CNTNAP2: variants seen among roughly 807,000 people sequenced by gnomAD.
CNTNAP2 encodes the protein contactin-associated protein-like 2.
A neutral mutation model predicts 155.2 loss-of-function variants in CNTNAP2; 98 were observed. The ratio of observed to expected loss-of-function variants is 0.63; its 90% CI spans 0.54 to 0.75. The LOEUF is 0.75. Ranked by LOEUF, CNTNAP2 falls within the 30% of genes least tolerant of loss-of-function variation. The pLI is 0.00. For synonymous variants in CNTNAP2, 651 were observed against 631.2 expected (o/e 1.03, Z -0.47); for missense variants, 1,727 against 1,688.1 (o/e 1.02, Z -0.40).
intron 1 of CNTNAP2, among the ~76,000 whole-genome samples, chr7:146,502,981 G>C (rs535278759): frequency 3.9e-5 from 6 of 152,194 alleles, no homozygotes; most frequent in Admixed American, 2.6e-4. Flanking sequence ...TCATATACTT[G>C]TTAGCTATTT....
intron 14 of CNTNAP2, among the ~76,000 whole-genome samples, chr7:147,938,337 A>G (rs1563141418): frequency 6.6e-6 from 1 of 152,306 alleles, no homozygotes; most frequent in Non-Finnish European, 1.5e-5. Flanking sequence ...AGCACACAAT[A>G]CTAGGACCAA....
At chr7:146,239,818 G>T (rs1363004803) in intron 1 of CNTNAP2, among the ~76,000 whole-genome samples, 1 of 152,074 alleles carries the variant, frequency 6.6e-6, no homozygotes, top group East Asian at 1.9e-4. Context: ...ACTGAACCAG[G>T]TTATCTTCCA....
chr7:147,849,326 G>A (rs1185189527), intron 13 of CNTNAP2, among the ~76,000 whole-genome samples: 1 of 152,128 alleles, frequency 6.6e-6, no homozygotes, highest in Non-Finnish European at 1.5e-5. Context: ...TCATTTCTCA[G>A]CATCATTGTT....
intron 15 of CNTNAP2, among the ~76,000 whole-genome samples, chr7:148,036,508 C>T (rs908686315): frequency 1.3e-5 from 2 of 152,024 alleles, no homozygotes; most frequent in Admixed American, 1.3e-4. Context: ...TGATGCTTTC[C>T]ATGTGATGCT....
chr7:146,990,535 A>T (rs1469514301), intron 3 of CNTNAP2, among the ~76,000 whole-genome samples: 1 of 152,072 alleles, frequency 6.6e-6, no homozygotes, highest in Non-Finnish European at 1.5e-5. Context: ...TTATGAGTAT[A>T]TACTATTCTG....
At chr7:146,529,840 C>T (rs1328792471) in intron 1 of CNTNAP2, among the ~76,000 whole-genome samples, 1 of 152,070 alleles carries the variant, frequency 6.6e-6, no homozygotes, top group Non-Finnish European at 1.5e-5. Flanking sequence ...TAGCACGTGC[C>T]TGTAATCCCA....
chr7:147,421,235 G>A, intron 10 of CNTNAP2, among the ~76,000 whole-genome samples: 1 of 152,116 alleles, frequency 6.6e-6, no homozygotes, highest in Middle Eastern at 3.2e-3. Flanking sequence ...CATTTCCACT[G>A]AGAGGATTTT....
intron 11 of CNTNAP2, among the ~76,000 whole-genome samples, chr7:147,499,803 T>A (rs1464211679): frequency 1.3e-5 from 2 of 152,178 alleles, no homozygotes; most frequent in Non-Finnish European, 2.9e-5. Context: ...TAAGATCATG[T>A]TACTTGCAAA....
rs1333628761 is a variant in CNTNAP2 at position 147,300,129 on chromosome 7, T to C, written c.1349-12T>C. 1 of 1,613,890 alleles carries C rather than the reference T, an allele frequency of 6.2e-7. No individual in the cohort carries two copies. The highest frequency in any genetic ancestry group is 8.5e-7 in the Non-Finnish European group (1 of 1,179,840). ...TTTAAGATAAAAATGACTTTTATCT[T>C]GTACTTACCAGGTTCTGGGTTGAAT... On this transcript the variant is annotated splice_polypyrimidine_tract_variant and intron_variant, in intron 8 of 23. Coordinates refer to ENST00000361727, the MANE Select transcript of CNTNAP2 (RefSeq NM_014141.6).
At chr7:147,045,353 A>G (rs1244944520) in intron 4 of CNTNAP2, among the ~76,000 whole-genome samples, 2 of 152,180 alleles carry the variant, frequency 1.3e-5, no homozygotes, top group Non-Finnish European at 2.9e-5. Context: ...TGAAGCTTTC[A>G]CCTCTGTACA....
At chr7:147,035,811 A>T (rs1287027231) in intron 3 of CNTNAP2, among the ~76,000 whole-genome samples, 1 of 152,118 alleles carries the variant, frequency 6.6e-6, no homozygotes, top group African/African-American at 2.4e-5. Flanking sequence ...AAATATACTT[A>T]TTCTCATCAT....
At chr7:147,242,305 C>T (rs774970751) in intron 8 of CNTNAP2, among the ~76,000 whole-genome samples, 1 of 152,186 alleles carries the variant, frequency 6.6e-6, no homozygotes, top group Non-Finnish European at 1.5e-5. Flanking sequence ...CTTTGTTCTA[C>T]TGAAAAACAT....
At position 146,611,957 on chromosome 7, in the gene CNTNAP2, T is replaced by C. The variant is rs144867603; in HGVS notation, c.98-162314T>C. 5.6e-3 allele frequency among the ~76,000 whole-genome samples: 858 copies of C among 152,286 alleles called. 8 individuals are homozygous for C. The highest frequency in any genetic ancestry group is 0.027 in the Middle Eastern group (8 of 292). ...GTTCAAACTTCCAGTTCTCTGATGA[T>C]ATATACATAACATATAAAAGGTTAT... On this transcript the variant is annotated intron_variant, in intron 1 of 23. Coordinates refer to ENST00000361727, the MANE Select transcript of CNTNAP2 (RefSeq NM_014141.6).
chr7:148,276,316 T>C (rs1425444022), intron 21 of CNTNAP2, among the ~76,000 whole-genome samples: 2 of 152,158 alleles, frequency 1.3e-5, no homozygotes, highest in Non-Finnish European at 2.9e-5. Context: ...GGGAAAGGGA[T>C]GGAGCATTAT....
intron 16 of CNTNAP2, among the ~76,000 whole-genome samples, chr7:148,141,410 T>A (rs1243828804): frequency 6.6e-6 from 1 of 152,256 alleles, no homozygotes; most frequent in Non-Finnish European, 1.5e-5. Flanking sequence ...AGTTACTTTG[T>A]GCTCTTGGGA....
chr7:147,798,687 C>A (rs1434406496), intron 13 of CNTNAP2, among the ~76,000 whole-genome samples: 1 of 152,202 alleles, frequency 6.6e-6, no homozygotes, highest in African/African-American at 2.4e-5. Context: ...TTGGGTCACA[C>A]ACTCATTCCT....
intron 8 of CNTNAP2, among the ~76,000 whole-genome samples, chr7:147,267,670 ATAGAATTG>A (rs147845102): frequency 0.14 from 21,783 of 152,148 alleles, 1,631 homozygotes; most frequent in Middle Eastern, 0.21. Flanking sequence ...CACTGTTAGC[ATAGAATTG>A]GGATTCACTT....
intron 3 of CNTNAP2, among the ~76,000 whole-genome samples, chr7:146,871,679 C>T (rs1435037927): frequency 6.6e-6 from 1 of 151,940 alleles, no homozygotes; most frequent in African/African-American, 2.4e-5. Flanking sequence ...CATCCATCTT[C>T]TTATAATATT....
At position 147,848,140 on chromosome 7, in the gene CNTNAP2, C is replaced by A. The variant is rs879867370; in HGVS notation, c.2099-55425C>A. ...TGGGCTCCACCCAGTTGGAGCTTCC[C>A]GGCTGCTTTGTTTACCTAAGCAAGC... On this transcript the variant is annotated intron_variant, in intron 13 of 23. Coordinates refer to ENST00000361727, the MANE Select transcript of CNTNAP2 (RefSeq NM_014141.6). Among the ~76,000 whole-genome samples, 57 of 135,486 alleles carry A rather than the reference C, an allele frequency of 4.2e-4. 1 individual carries two copies. The highest frequency in any genetic ancestry group is 2.8e-3 in the Admixed American group (35 of 12,494). 88.9% of individuals were successfully genotyped at this position (135,486 alleles called of 152,430 possible).
Sources: gnomAD v4.1 joint callset for allele counts (sites outside exome capture counted in the v4.1 genomes callset) on GRCh38, gnomAD v4.1.1 for gene constraint, MANE v1.5 for transcripts, NCBI Gene and HGNC (gene_info 2026-07-23, HGNC 2026-07-21) for gene names.